Variants in TDRD5 observed in about 807,000 individuals in gnomAD.
TDRD5 encodes the protein tudor domain-containing protein 5.
A neutral mutation model predicts 120.6 loss-of-function variants in TDRD5; 41 were observed. The observed-to-expected ratio is 0.34, with a 90% confidence interval of 0.26 to 0.44. The LOEUF (loss-of-function observed/expected upper bound fraction) is 0.44. Ranked by LOEUF, TDRD5 falls within the 20% of genes least tolerant of loss-of-function variation. The probability of loss-of-function intolerance (pLI) is 1.00; values close to 1 mark genes in which losing one functional copy is unlikely to be tolerated. For synonymous variants in TDRD5, 430 were observed against 433.7 expected (o/e 0.99, Z 0.11); for missense variants, 1,006 against 1,221.2 (o/e 0.82, Z 2.63).
At chr1:179,624,366 T>C (rs924878091) in intron 6 of TDRD5, among the ~76,000 whole-genome samples, 1 of 152,158 alleles carries the variant, frequency 6.6e-6, no homozygotes, top group African/African-American at 2.4e-5. Flanking sequence ...CCTTAAAATC[T>C]GGAACAAGGT....
intron 14 of TDRD5, among the ~76,000 whole-genome samples, chr1:179,655,672 T>C (rs1678968341): frequency 6.6e-6 from 1 of 152,202 alleles, no homozygotes; most frequent in Non-Finnish European, 1.5e-5. Flanking sequence ...TAGTTTTACC[T>C]TTTCAGGACT....
chr1:179,628,955 T>A (rs1445678758), intron 6 of TDRD5, among the ~76,000 whole-genome samples: 2 of 147,188 alleles, frequency 1.4e-5, no homozygotes, highest in Admixed American at 6.7e-5. Context: ...TTTTGCCAAT[T>A]TAACTGAAGT....
At chr1:179,658,703 T>G (rs761119148) in intron 14 of TDRD5, among the ~76,000 whole-genome samples, 4 of 152,214 alleles carry the variant, frequency 2.6e-5, no homozygotes, top group Non-Finnish European at 2.9e-5. Context: ...TTTATCCATT[T>G]TATTGAACTT....
chr1:179,683,809 AT>A (rs34953163), intron 17 of TDRD5, among the ~76,000 whole-genome samples: 24,090 of 150,812 alleles, frequency 0.16, 2,406 homozygotes, highest in East Asian at 0.28. Flanking sequence ...GCTCACCTGA[AT>A]TTTTTTTTTA....
chr1:179,676,339 G>A (rs1680148103), intron 17 of TDRD5, among the ~76,000 whole-genome samples: 1 of 152,102 alleles, frequency 6.6e-6, no homozygotes, highest in Non-Finnish European at 1.5e-5. Context: ...GAGCATTGAG[G>A]CCATTTACAT....
chr1:179,608,312 G>A (rs1676097041), intron 4 of TDRD5, among the ~76,000 whole-genome samples: 1 of 151,678 alleles, frequency 6.6e-6, no homozygotes, highest in Non-Finnish European at 1.5e-5. Context: ...ATATCATTGA[G>A]CTTCTTGTAT....
At position 179,603,098 on chromosome 1, in the gene TDRD5, C is replaced by T. The variant is rs753821977; in HGVS notation, c.831+7280C>T. On this transcript the variant is annotated intron_variant, in intron 4 of 17. Coordinates refer to ENST00000444136, the MANE Select transcript of TDRD5 (RefSeq NM_001199085.3). ...TCCTTGTAGAGGTCTTTTGCCTCCT[C>T]GGTTAGGTATATTCCTAAGTATTTT... Among the ~76,000 whole-genome samples the T allele has an allele frequency of 7.2e-4, 109 of 152,050 alleles. 1 individual carries two copies. Among genetic ancestry groups the T allele is most frequent in the Non-Finnish European group, 3.1e-4 (21 of 67,948 alleles).
chr1:179,594,221 C>A (rs896173549), intron 3 of TDRD5, among the ~76,000 whole-genome samples: 1 of 152,140 alleles, frequency 6.6e-6, no homozygotes, highest in Non-Finnish European at 1.5e-5. Flanking sequence ...TATAAATAAG[C>A]TATATGGAAA....
At chr1:179,667,116 T>G (rs1217941706) in intron 16 of TDRD5, among the ~76,000 whole-genome samples, 2 of 152,208 alleles carry the variant, frequency 1.3e-5, no homozygotes, top group African/African-American at 4.8e-5. Context: ...TCTAGCAAGC[T>G]TCCAACTAAT....
chr1:179,602,858 G>A (rs548625909), intron 4 of TDRD5, among the ~76,000 whole-genome samples: 5 of 152,076 alleles, frequency 3.3e-5, no homozygotes, highest in African/African-American at 1.2e-4. Flanking sequence ...TTGGCTATGC[G>A]GGCTCTTTTT....
In TDRD5 at chr1:179,601,884, C is replaced by A. The variant is rs1675732459; in HGVS notation, c.831+6066C>A. Among the ~76,000 whole-genome samples, 3 of 152,238 alleles carry A rather than the reference C, an allele frequency of 2.0e-5. No homozygotes were observed. In the South Asian group the frequency reaches 6.2e-4, roughly 32 times the overall value. ...GCAGTGGCACAATCTTGGCTCACTG[C>A]AGCCTCCATCTCCTGGGTTCAAGCA... On this transcript the variant is annotated intron_variant, in intron 4 of 17. Transcript: ENST00000444136.
chr1:179,648,147 C>T (rs1290589097), intron 11 of TDRD5, among the ~76,000 whole-genome samples: 32 of 145,602 alleles, frequency 2.2e-4, no homozygotes, highest in Non-Finnish European at 3.2e-4. Flanking sequence ...CACATGCACA[C>T]GTATGTTTAT....
intron 17 of TDRD5, among the ~76,000 whole-genome samples, chr1:179,684,765 T>C (rs1680609652): frequency 6.6e-6 from 1 of 152,216 alleles, no homozygotes; most frequent in African/African-American, 2.4e-5. Flanking sequence ...TATTATCTCA[T>C]TGTGGTTTTG....
At chr1:179,633,497 G>A (rs1156542691) in intron 7 of TDRD5, among the ~76,000 whole-genome samples, 4 of 151,806 alleles carry the variant, frequency 2.6e-5, no homozygotes, top group Admixed American at 6.6e-5. Flanking sequence ...GACTACAGGC[G>A]CCTGCCACCA....
In TDRD5 at chr1:179,654,389, A is replaced by G. The variant is rs1678879148; in HGVS notation, c.2322+27A>G. On this transcript the variant is annotated intron_variant, in intron 14 of 17. Coordinates refer to ENST00000444136, the MANE Select transcript of TDRD5 (RefSeq NM_001199085.3). The stretch of plus-strand genomic sequence containing the variant: ...TAGGAGAAGGAAAGATAGTCTTTGA[A>G]TATGTAATTAATATAATACACTGAA... 5.3e-6 allele frequency: 8 copies of G among 1,511,212 alleles called. No individual in the cohort carries two copies. The East Asian group carries it at 1.7e-4, about 33-fold the overall frequency. 93.6% of individuals were successfully genotyped at this position (1,511,212 alleles called of 1,614,324 possible).
At chr1:179,661,296 T>A (rs1427993081) in intron 14 of TDRD5, among the ~76,000 whole-genome samples, 1 of 152,192 alleles carries the variant, frequency 6.6e-6, no homozygotes, top group African/African-American at 2.4e-5. Flanking sequence ...GTTCTCCTTG[T>A]GAGACTCTGA....
intron 17 of TDRD5, among the ~76,000 whole-genome samples, chr1:179,685,641 C>T (rs1471118390): frequency 1.3e-5 from 2 of 152,074 alleles, no homozygotes; most frequent in East Asian, 3.8e-4. Context: ...GCAGTATGGC[C>T]GTTTTCATGA....
At chr1:179,667,418 T>C (rs1265505627) in intron 16 of TDRD5, among the ~76,000 whole-genome samples, 1 of 152,184 alleles carries the variant, frequency 6.6e-6, no homozygotes, top group Non-Finnish European at 1.5e-5. Flanking sequence ...TAGGGCATAA[T>C]GTAAAAAGCA....
At chr1:179,657,561 G>A (rs1679068088) in intron 14 of TDRD5, among the ~76,000 whole-genome samples, 1 of 152,010 alleles carries the variant, frequency 6.6e-6, no homozygotes, top group Non-Finnish European at 1.5e-5. Context: ...ATGAGATATT[G>A]GTCTGTAGTT....
Sources: allele counts gnomAD v4.1 joint callset (sites outside exome capture counted in the v4.1 genomes callset), GRCh38; gene constraint gnomAD v4.1.1; transcripts MANE v1.5; gene names NCBI Gene and HGNC (gene_info 2026-07-23, HGNC 2026-07-21).